NUP50: variants seen among roughly 807,000 people sequenced by gnomAD.
The protein encoded by NUP50 is nuclear pore complex protein Nup50.
In NUP50, 14 loss-of-function variants were observed where a neutral mutation model predicts 36.8. That is an observed-to-expected ratio of 0.38 (90% CI 0.25 to 0.59). The LOEUF (loss-of-function observed/expected upper bound fraction) is 0.59. Ranked by LOEUF, NUP50 falls within the 20% of genes least tolerant of loss-of-function variation. The pLI, the probability that NUP50 is intolerant of heterozygous loss-of-function variation, is 0.63. For missense variants in NUP50, 455 were observed against 564.6 expected (o/e 0.81, Z 1.97); for synonymous variants, 195 against 210.8 (o/e 0.93, Z 0.65).
At chr22:45,172,875 A>G (rs1246643488) in intron 3 of NUP50, among the ~76,000 whole-genome samples, 3 of 152,226 alleles carry the variant, frequency 2.0e-5, no homozygotes, top group Admixed American at 1.3e-4. Flanking sequence ...AAGTATTCGC[A>G]ATTTTCCTAA....
At position 45,187,816 on chromosome 22, in the gene NUP50, G is replaced by A. The variant is rs2147721056; in HGVS notation, c.*3161G>A. On this transcript the variant is annotated 3_prime_UTR_variant, in exon 8 of 8. Transcript: ENST00000347635. ...CTCTCCGTTTGATGCAGACACAATT[G>A]TAATGGAGATGTAAAACTTCTTAGC... 6.5e-6 allele frequency: 1 copy of A among 152,750 alleles called. No homozygotes were observed. The highest frequency in any genetic ancestry group is 2.1e-4 in the South Asian group (1 of 4,826). 9.5% of individuals were successfully genotyped at this position (152,750 alleles called of 1,614,324 possible). A position where few individuals can be genotyped will look rare whatever the true frequency, so the allele number is the denominator to read the frequency against.
intron 1 of NUP50, among the ~76,000 whole-genome samples, chr22:45,167,354 G>A (rs936211766): frequency 2.0e-5 from 3 of 152,184 alleles, no homozygotes; most frequent in African/African-American, 7.2e-5. Flanking sequence ...TCTTTGTTTT[G>A]TTGTTATGAT....
chr22:45,176,829 G>A (rs752541665), intron 4 of NUP50, among the ~76,000 whole-genome samples: 10 of 151,854 alleles, frequency 6.6e-5, no homozygotes, highest in African/African-American at 2.2e-4. Context: ...TGCAGCCTCC[G>A]CCTCTGGGTT....
At chr22:45,174,375 C>A (rs2074245377) in intron 3 of NUP50, among the ~76,000 whole-genome samples, 1 of 152,118 alleles carries the variant, frequency 6.6e-6, no homozygotes, top group African/African-American at 2.4e-5. Context: ...GGGGGTCTCA[C>A]TCTGTTGCCC....
chr22:45,164,303 A>AGGAGAAGAGGG lies in NUP50; in HGVS notation c.-11+8_-11+9insGAGAAGAGGGG, dbSNP rs1569039416. The AGGAGAAGAGGG allele has an allele frequency of 3.3e-5, 5 of 153,010 alleles. No individual in the cohort carries two copies. The South Asian group carries it at 1.0e-3, about 31-fold the overall frequency. The allele number at this position is 153,010 out of a possible 1,614,324, so 9.5% of individuals were successfully genotyped here. On this transcript the variant is annotated splice_region_variant and intron_variant, in intron 1 of 7. Coordinates refer to ENST00000347635, the MANE Select transcript of NUP50 (RefSeq NM_007172.4). ...AGCGGCGGCCGCCGAGGAGGTGAGG[A>AGGAGAAGAGGG]GCGGCGGCGGGCGCGGGAGGAGAAG...
chr22:45,170,551 G>A (rs149461794), intron 2 of NUP50, among the ~76,000 whole-genome samples: 1 of 152,304 alleles, frequency 6.6e-6, no homozygotes, highest in African/African-American at 2.4e-5. Context: ...TCTGGTACTA[G>A]TACTTTTTTT....
chr22:45,175,385 T>A (rs1331717970), intron 3 of NUP50, among the ~76,000 whole-genome samples: 1 of 152,218 alleles, frequency 6.6e-6, no homozygotes, highest in South Asian at 2.1e-4. Flanking sequence ...GATTTGAGAC[T>A]CGATCATCTA....
intron 1 of NUP50, among the ~76,000 whole-genome samples, chr22:45,166,997 C>T (rs1011714650): frequency 6.6e-6 from 1 of 152,132 alleles, no homozygotes. Flanking sequence ...TTGTAGAGGC[C>T]TTTGGAATAC....
In NUP50 at chr22:45,185,147, C is replaced by G. The variant is rs1025166440; in HGVS notation, c.*492C>G. ...AATGAACCGGGCTGCCACGCTGTGA[C>G]AGGCGTTTGTCCTCTGCTTTATTTT... On this transcript the variant is annotated 3_prime_UTR_variant, in exon 8 of 8. Coordinates refer to ENST00000347635, the MANE Select transcript of NUP50 (RefSeq NM_007172.4). 9.7e-5 allele frequency: 17 copies of G among 175,572 alleles called. No individual in the cohort carries two copies. The highest frequency in any genetic ancestry group is 1.5e-4 in the Non-Finnish European group (12 of 81,458). The allele number at this position is 175,572 out of a possible 1,614,324, so 10.9% of individuals were successfully genotyped here.
intron 4 of NUP50, among the ~76,000 whole-genome samples, chr22:45,177,271 C>G (rs112735085): frequency 2.0e-5 from 3 of 152,230 alleles, no homozygotes; most frequent in Admixed American, 1.3e-4. Context: ...GCCACAACCT[C>G]CCGAGCTCAA....
chr22:45,174,203 A>G (rs934503505), intron 3 of NUP50, among the ~76,000 whole-genome samples: 4 of 144,130 alleles, frequency 2.8e-5, no homozygotes, highest in Non-Finnish European at 6.0e-5. Flanking sequence ...TTTTTTTGAG[A>G]CAGGGTCTTT....
chr22:45,184,459 T>C lies in NUP50; in HGVS notation c.1211T>C (p.Ile404Thr), dbSNP rs376736120. ...LVRADTNLGNILLNVLIPPNM... is the reference protein window; with the variant it reads ...LVRADTNLGNTLLNVLIPPNM... ...TTTGTTTGTTTGAATGCAGGCAACA[T>C]ATTGCTGAACGTTCTGATTCCACCC... Residue 404 changes from isoleucine to threonine, a missense_variant, in exon 8 of 8, where the codon ATA becomes ACA. By Grantham distance (89) the Ile-to-Thr change is moderately conservative. Coordinates refer to ENST00000347635, the MANE Select transcript of NUP50 (RefSeq NM_007172.4). 2 of 1,613,816 alleles carry C rather than the reference T, an allele frequency of 1.2e-6. No homozygotes were observed. Among genetic ancestry groups the C allele is most frequent in the African/African-American group, 2.7e-5 (2 of 74,924 alleles).
chr22:45,183,688 A>G, intron 7 of NUP50, 168 bp downstream of exon 7: 1 of 577,556 alleles, frequency 1.7e-6, no homozygotes, highest in Non-Finnish European at 3.1e-6. Flanking sequence ...ATAGTGTGTA[A>G]GGAAACATAA....
intron 2 of NUP50, among the ~76,000 whole-genome samples, chr22:45,170,758 T>C (rs951870786): frequency 6.6e-6 from 1 of 152,204 alleles, no homozygotes; most frequent in African/African-American, 2.4e-5. Context: ...TAGATTACCA[T>C]GTAACTATTT....
chr22:45,182,846 A>G (rs1383467046), intron 6 of NUP50, among the ~76,000 whole-genome samples: 3 of 151,770 alleles, frequency 2.0e-5, no homozygotes, highest in Non-Finnish European at 4.4e-5. Context: ...GGATGGTCTC[A>G]ATCTCCTGAC....
intron 4 of NUP50, among the ~76,000 whole-genome samples, chr22:45,176,457 A>G (rs551413198): frequency 1.3e-5 from 2 of 152,254 alleles, no homozygotes; most frequent in South Asian, 4.2e-4. Context: ...CCTCGCACCA[A>G]ACTGGCTACT....
rs1275214454 is a variant in NUP50, at chr22:45,185,263, G to A, written c.*608G>A. 6.5e-6 allele frequency: 1 copy of A among 152,700 alleles called. No individual in the cohort carries two copies. Among genetic ancestry groups the A allele is most frequent in the African/African-American group, 2.4e-5 (1 of 41,414 alleles). 9.5% of individuals were successfully genotyped at this position (152,700 alleles called of 1,614,324 possible). A position where few individuals can be genotyped will look rare whatever the true frequency, so the allele number is the denominator to read the frequency against. On this transcript the variant is annotated 3_prime_UTR_variant, in exon 8 of 8. Coordinates refer to ENST00000347635, the MANE Select transcript of NUP50 (RefSeq NM_007172.4). The stretch of plus-strand genomic sequence containing the variant: ...CTGTGGGCTGCTTCACGAGAATTCA[G>A]GACCTGCATTTTCATTCTAAAAAGA...
intron 2 of NUP50, 22 bp from the exon 3 acceptor site, chr22:45,171,578 C>A: frequency 6.2e-7 from 1 of 1,602,258 alleles, no homozygotes; most frequent in Non-Finnish European, 8.6e-7. Context: ...CTTACTGCTG[C>A]TTAATTTGTA....
At chr22:45,169,889 A>G (rs866712394) in intron 2 of NUP50, among the ~76,000 whole-genome samples, 2 of 152,054 alleles carry the variant, frequency 1.3e-5, no homozygotes, top group African/African-American at 2.4e-5. Flanking sequence ...CAGAGGCTTG[A>G]ACCCCTCCCT....
Sources: gnomAD v4.1 joint callset for allele counts (sites outside exome capture counted in the v4.1 genomes callset) on GRCh38, gnomAD v4.1.1 for gene constraint, MANE v1.5 for transcripts, NCBI Gene and HGNC (gene_info 2026-07-23, HGNC 2026-07-21) for gene names.